DLG2: variants seen among roughly 807,000 people sequenced by gnomAD.
DLG2 encodes disks large homolog 2.
A neutral mutation model predicts 132.5 loss-of-function variants in DLG2; 45 were observed. That is an observed-to-expected ratio of 0.34 (90% CI 0.27 to 0.44). The LOEUF (loss-of-function observed/expected upper bound fraction) is 0.44, where lower values mean the gene tolerates loss of function less well. DLG2 is among the 20% of genes least tolerant of loss of function. DLG2 has a pLI of 1.00. For synonymous variants in DLG2, 424 were observed against 419.6 expected (o/e 1.01, Z -0.13); for missense variants, 1,045 against 1,196.9 (o/e 0.87, Z 1.87).
intron 6 of DLG2, among the ~76,000 whole-genome samples, chr11:84,605,567 T>A (rs2099584059): frequency 6.7e-6 from 1 of 149,708 alleles, no homozygotes; most frequent in African/African-American, 2.5e-5. Context: ...TGAGGGACAA[T>A]CTGTAATGCT....
chr11:85,590,790 C>T (rs1162327902), intron 3 of DLG2, among the ~76,000 whole-genome samples: 2 of 152,086 alleles, frequency 1.3e-5, no homozygotes, highest in African/African-American at 4.8e-5. Flanking sequence ...CCAGCTACCA[C>T]ATATTAGTTA....
At chr11:84,338,423 T>C (rs1037799492) in intron 7 of DLG2, among the ~76,000 whole-genome samples, 7 of 151,976 alleles carry the variant, frequency 4.6e-5, no homozygotes, top group Non-Finnish European at 1.0e-4. Context: ...AAAAGAGGAG[T>C]TTCCAATAAA....
chr11:84,887,170 A>G (rs1230463824), intron 6 of DLG2: 2 of 152,152 alleles, frequency 1.3e-5, no homozygotes, highest in African/African-American at 4.8e-5. Context: ...ACTGAAAAGC[A>G]CCATCTGTTC....
chr11:85,443,671 T>C (rs2091887211), intron 3 of DLG2, among the ~76,000 whole-genome samples: 1 of 152,220 alleles, frequency 6.6e-6, no homozygotes, highest in Admixed American at 6.5e-5. Flanking sequence ...ATAAACCATA[T>C]TTAAATGTCA....
At chr11:83,942,455 G>C (rs1807474484) in intron 14 of DLG2, among the ~76,000 whole-genome samples, 1 of 152,140 alleles carries the variant, frequency 6.6e-6, no homozygotes, top group African/African-American at 2.4e-5. Context: ...GCATACGCCA[G>C]GGAATTTGTT....
chr11:85,082,167 T>C (rs947825753), intron 6 of DLG2, among the ~76,000 whole-genome samples: 1 of 152,304 alleles, frequency 6.6e-6, no homozygotes, highest in South Asian at 2.1e-4. Flanking sequence ...TATGAGTTGA[T>C]ACCTTTAGAG....
chr11:84,954,497 G>A (rs749723087), intron 6 of DLG2, among the ~76,000 whole-genome samples: 1 of 152,124 alleles, frequency 6.6e-6, no homozygotes, highest in South Asian at 2.1e-4. Flanking sequence ...CTTACTTTGG[G>A]CAAGAAGACT....
intron 15 of DLG2, among the ~76,000 whole-genome samples, chr11:83,928,574 G>A (rs2079460825): frequency 6.6e-6 from 1 of 152,086 alleles, no homozygotes; most frequent in African/African-American, 2.4e-5. Context: ...GATAGGGAAA[G>A]GATAGAAAAA....
chr11:84,945,109 G>A (rs1277723887), intron 6 of DLG2, among the ~76,000 whole-genome samples: 1 of 152,216 alleles, frequency 6.6e-6, no homozygotes, highest in Non-Finnish European at 1.5e-5. Context: ...GTTGGTCAAT[G>A]TCTGGACATT....
At chr11:84,930,719 C>T (rs1224506386) in intron 6 of DLG2, among the ~76,000 whole-genome samples, 1 of 152,132 alleles carries the variant, frequency 6.6e-6, no homozygotes, top group Admixed American at 6.6e-5. Flanking sequence ...TGTATGTTCC[C>T]CTCTCATCAA....
intron 19 of DLG2, among the ~76,000 whole-genome samples, chr11:83,623,810 T>A (rs886722138): frequency 6.6e-6 from 1 of 152,216 alleles, no homozygotes; most frequent in Admixed American, 6.5e-5. Context: ...CCTACATGAT[T>A]GGCAGTTGGG....
At chr11:84,486,226 T>A (rs1315819566) in intron 7 of DLG2, among the ~76,000 whole-genome samples, 2 of 152,100 alleles carry the variant, frequency 1.3e-5, no homozygotes, top group Non-Finnish European at 2.9e-5. Context: ...AAAAGTATTA[T>A]CTGTGAGTAG....
At chr11:85,192,284 C>T (rs2080652127) in intron 4 of DLG2, among the ~76,000 whole-genome samples, 1 of 152,214 alleles carries the variant, frequency 6.6e-6, no homozygotes, top group African/African-American at 2.4e-5. Context: ...ATACTAACTA[C>T]TCCATAAAAA....
rs143959563 is a variant in DLG2, at chr11:85,404,691, T to G, written c.41-119326A>C. Among the ~76,000 whole-genome samples the G allele has an allele frequency of 5.9e-5, 9 of 152,110 alleles. No homozygotes were observed. The East Asian group carries it at 1.7e-3, about 30-fold the overall frequency. On this transcript the variant is annotated intron_variant, in intron 3 of 27. Transcript: ENST00000376104. ...GATTATCAAAAAACAGTATCAGCACTGTCAAATGTGATCTCTGCACAGATG... is the reference window on the plus strand; with the variant it reads ...GATTATCAAAAAACAGTATCAGCACGGTCAAATGTGATCTCTGCACAGATG...
intron 6 of DLG2, among the ~76,000 whole-genome samples, chr11:84,569,324 AAGGATT>A (rs1399772377): frequency 4.6e-5 from 7 of 152,316 alleles, no homozygotes; most frequent in Non-Finnish European, 4.4e-5. Flanking sequence ...ACAAGAACAA[AAGGATT>A]AGGAAAAATC....
At chr11:83,586,547 T>C (rs1300501635) in intron 19 of DLG2, among the ~76,000 whole-genome samples, 1 of 152,236 alleles carries the variant, frequency 6.6e-6, no homozygotes, top group Non-Finnish European at 1.5e-5. Context: ...ACTATCATTT[T>C]CTTCCTGCTT....
chr11:85,083,829 G>A (rs2067554634), intron 6 of DLG2, among the ~76,000 whole-genome samples: 1 of 152,100 alleles, frequency 6.6e-6, no homozygotes, highest in African/African-American at 2.4e-5. Flanking sequence ...CTGTTTTAAT[G>A]TTAATGCTGG....
intron 3 of DLG2, among the ~76,000 whole-genome samples, chr11:85,441,841 T>C (rs1286150002): frequency 6.6e-6 from 1 of 151,900 alleles, no homozygotes; most frequent in Admixed American, 6.6e-5. Context: ...ATATGATAGT[T>C]TCAAGTAATG....
At chr11:84,019,628 T>C (rs751378443) in intron 11 of DLG2, among the ~76,000 whole-genome samples, 2 of 152,136 alleles carry the variant, frequency 1.3e-5, no homozygotes, top group Non-Finnish European at 2.9e-5. Flanking sequence ...ATGAAGTTAT[T>C]AGAGTGGTCC....
Sources: gnomAD v4.1 joint callset for allele counts (sites outside exome capture counted in the v4.1 genomes callset) on GRCh38, gnomAD v4.1.1 for gene constraint, MANE v1.5 for transcripts, NCBI Gene and HGNC (gene_info 2026-07-23, HGNC 2026-07-21) for gene names.